Variants in PPA1 observed in about 807,000 individuals in gnomAD.
PPA1 encodes inorganic pyrophosphatase 1.
In PPA1, 23 loss-of-function variants were observed where a neutral mutation model predicts 41.8. The ratio of observed to expected loss-of-function variants is 0.55; its 90% CI spans 0.40 to 0.78. The LOEUF is 0.78. Among genes scored for constraint, PPA1 ranks in the 30% least tolerant of loss-of-function variants. The pLI is 0.00. For synonymous variants in PPA1, 101 were observed against 116.8 expected, an observed-to-expected ratio of 0.86 and a Z score of 0.87; for missense variants, 320 against 361.6, an observed-to-expected ratio of 0.89 and a Z score of 0.93.
chr10:70,217,150 T>C (rs958047484), intron 4 of PPA1, among the ~76,000 whole-genome samples: 8 of 149,958 alleles, frequency 5.3e-5, no homozygotes, highest in African/African-American at 1.7e-4. Flanking sequence ...AAAGCAAGAC[T>C]CCATCTCAAA....
chr10:70,218,708 T>G (rs1024234138), intron 3 of PPA1, 56 bp downstream of exon 3: 5 of 1,343,958 alleles, frequency 3.7e-6, no homozygotes, highest in Non-Finnish European at 5.3e-6. Context: ...CAAGTCAGTG[T>G]GACTAGATCA....
At chr10:70,224,719 T>C (rs1840209068) in intron 2 of PPA1, among the ~76,000 whole-genome samples, 1 of 148,888 alleles carries the variant, frequency 6.7e-6, no homozygotes, top group Non-Finnish European at 1.5e-5. Context: ...GAGACTTATT[T>C]CTTATTTATT....
At chr10:70,223,939 T>C (rs2136767839) in intron 2 of PPA1, among the ~76,000 whole-genome samples, 1 of 152,290 alleles carries the variant, frequency 6.6e-6, no homozygotes, top group African/African-American at 2.4e-5. Context: ...GTCTCAGTCA[T>C]TGCTCTGGCA....
At chr10:70,220,537 ATTT>A (rs1173738294) in intron 2 of PPA1, among the ~76,000 whole-genome samples, 1 of 27,438 alleles carries the variant, frequency 3.6e-5, no homozygotes, top group Non-Finnish European at 5.6e-5. Context: ...ATTATATATA[ATTT>A]TTATGTATAA....
chr10:70,214,488 AC>A lies in PPA1; in HGVS notation c.384+11del, dbSNP rs1840056149. On this transcript the variant is annotated intron_variant, in intron 5 of 10. Transcript: ENST00000373232. ...TCTCAACACTAAAGAAAAAAATGTC[AC>A]ATTTCATTACCTTGCTTCCAATTTC... 6.2e-7 allele frequency: 1 copy of A among 1,603,836 alleles called. No individual in the cohort carries two copies. The highest frequency in any genetic ancestry group is 8.5e-7 in the Non-Finnish European group (1 of 1,173,760).
intron 2 of PPA1, among the ~76,000 whole-genome samples, chr10:70,224,563 G>C (rs1162867794): frequency 6.6e-6 from 1 of 152,158 alleles, no homozygotes; most frequent in Non-Finnish European, 1.5e-5. Flanking sequence ...TCAGTAGTCT[G>C]ACAAGTTGTT....
At chr10:70,224,698 G>A (rs1235654600) in intron 2 of PPA1, among the ~76,000 whole-genome samples, 3 of 151,928 alleles carry the variant, frequency 2.0e-5, no homozygotes, top group Non-Finnish European at 2.9e-5. Flanking sequence ...TAAGTTCAAT[G>A]TGTCTTTATT....
intron 2 of PPA1, among the ~76,000 whole-genome samples, chr10:70,228,946 C>T (rs912145984): frequency 7.2e-5 from 11 of 152,154 alleles, no homozygotes; most frequent in African/African-American, 2.7e-4. Context: ...AAGTGATGTT[C>T]GTGTTGTATA....
In PPA1 at chr10:70,209,357, C is replaced by A. The variant is rs1839988832; in HGVS notation, c.640-67G>T. ...TTATTTTCCTATTATCAACATTTCC[C>A]CAAAGCCTGATACTTTGTCTCTTCT... On this transcript the variant is annotated intron_variant, in intron 7 of 10. Coordinates refer to ENST00000373232, the MANE Select transcript of PPA1 (RefSeq NM_021129.4). 3 of 1,383,076 alleles carry A rather than the reference C, an allele frequency of 2.2e-6. No homozygotes were observed. In the South Asian group the frequency reaches 3.9e-5, roughly 18 times the overall value. The allele number at this position is 1,383,076 out of a possible 1,614,324, so 85.7% of individuals were successfully genotyped here. A position where few individuals can be genotyped will look rare whatever the true frequency, so the allele number is the denominator to read the frequency against.
intron 4 of PPA1, among the ~76,000 whole-genome samples, chr10:70,216,961 G>A (rs933147440): frequency 2.0e-5 from 3 of 152,096 alleles, no homozygotes; most frequent in Non-Finnish European, 4.4e-5. Context: ...CAGGTCAGGA[G>A]ATCGAGACCA....
chr10:70,221,317 A>G (rs1038120512), intron 2 of PPA1, among the ~76,000 whole-genome samples: 3 of 151,438 alleles, frequency 2.0e-5, no homozygotes, highest in African/African-American at 7.3e-5. Context: ...ATTTTGATTC[A>G]AAAGTGTAGA....
intron 1 of PPA1, among the ~76,000 whole-genome samples, chr10:70,231,810 C>G (rs1423560778): frequency 3.3e-5 from 5 of 152,192 alleles, no homozygotes; most frequent in South Asian, 2.1e-4. Flanking sequence ...CAGCTAGTGC[C>G]AAATTCTAGG....
chr10:70,226,795 T>C (rs1219335858), intron 2 of PPA1, among the ~76,000 whole-genome samples: 5 of 152,180 alleles, frequency 3.3e-5, no homozygotes, highest in African/African-American at 1.2e-4. Context: ...AAATTGCAGA[T>C]AATATTCTGT....
intron 5 of PPA1, 137 bp downstream of exon 5, chr10:70,214,363 G>A (rs1387211836): frequency 8.6e-5 from 59 of 689,914 alleles, no homozygotes; most frequent in Non-Finnish European, 1.4e-5. Context: ...TAAAATGCAA[G>A]AAGCCTTTAA....
chr10:70,215,701 G>A (rs10999191), intron 4 of PPA1, among the ~76,000 whole-genome samples: 16,182 of 150,430 alleles, frequency 0.11, 1,247 homozygotes, highest in East Asian at 0.23. Context: ...GACTGGTCTC[G>A]AACTCCTGAC....
At chr10:70,209,329 G>A (rs375185418) in intron 7 of PPA1, 39 bp from the exon 8 acceptor site, 57 of 1,473,722 alleles carry the variant, frequency 3.9e-5, no homozygotes, top group Non-Finnish European at 5.2e-5. Context: ...TGATAAAAAG[G>A]TATTATTTTC....
chr10:70,224,617 A>G (rs1172093854), intron 2 of PPA1, among the ~76,000 whole-genome samples: 1 of 152,240 alleles, frequency 6.6e-6, no homozygotes, highest in African/African-American at 2.4e-5. Flanking sequence ...TGTTATTACT[A>G]ATGCAGTTAA....
chr10:70,233,373 G>A lies in PPA1; in HGVS notation c.-46C>T, dbSNP rs1840315123. 2 of 1,526,256 alleles carry A rather than the reference G, an allele frequency of 1.3e-6. No homozygotes were observed. The highest frequency in any genetic ancestry group is 1.8e-6 in the Non-Finnish European group (2 of 1,140,184). The allele number at this position is 1,526,256 out of a possible 1,614,324, so 94.5% of individuals were successfully genotyped here. On this transcript the variant is annotated 5_prime_UTR_variant, in exon 1 of 11. Coordinates refer to ENST00000373232, the MANE Select transcript of PPA1 (RefSeq NM_021129.4). ...GCCGCTGCCACAGAGCCACCAGCCC[G>A]CACGCGGCGCCGACTGACAAGGAGA...
At chr10:70,203,221 C>T (rs762577059) in intron 10 of PPA1, 35 bp from the exon 11 acceptor site, 1 of 1,569,258 alleles carries the variant, frequency 6.4e-7, no homozygotes, top group South Asian at 1.1e-5. Flanking sequence ...AATTAGAATT[C>T]CTGTTGAGAA....
Sources: gnomAD v4.1 joint callset for allele counts (sites outside exome capture counted in the v4.1 genomes callset) on GRCh38, gnomAD v4.1.1 for gene constraint, MANE v1.5 for transcripts, NCBI Gene and HGNC (gene_info 2026-07-23, HGNC 2026-07-21) for gene names.